DMD: variants seen among roughly 807,000 people sequenced by gnomAD.
DMD encodes the protein mutant dystrophin.
Under a neutral mutation model 330.1 loss-of-function variants are expected in DMD, and 63 were observed. That is an observed-to-expected ratio of 0.19 (90% CI 0.16 to 0.24). DMD has a LOEUF of 0.24. Ranked by LOEUF, DMD falls within the 10% of genes least tolerant of loss-of-function variation. The pLI is 1.00. For synonymous variants in DMD, 1,223 were observed against 959.8 expected (o/e 1.27, Z -5.07); for missense variants, 3,344 against 2,684.1 (o/e 1.25, Z -5.43).
At chrX:31,843,959 A>G (rs2093364941) in intron 48 of DMD, among the ~76,000 whole-genome samples, 1 of 110,092 alleles carries the variant, frequency 9.1e-6, no homozygotes, top group Non-Finnish European at 1.9e-5. Context: ...CCCTGGCTCA[A>G]GCGGTTCTCC....
chrX:32,302,491 G>A (rs2097527019), intron 42 of DMD, among the ~76,000 whole-genome samples: 1 of 111,324 alleles, frequency 9.0e-6, no homozygotes, highest in Admixed American at 9.6e-5. Context: ...ACGTGGCTTA[G>A]CTTGTATGTA....
chrX:32,252,630 GTATA>G lies in DMD; in HGVS notation c.6290+34895_6290+34898del, dbSNP rs1226798950. On this transcript the variant is annotated intron_variant, in intron 43 of 78. Coordinates refer to ENST00000357033, the MANE Select transcript of DMD (RefSeq NM_004006.3). Reference sequence around the variant, plus strand: ...TATATAAATAAATATATAAATATGTGTATATATAAATATATATAAATACAAATAT... The same window carrying G: ...TATATAAATAAATATATAAATATGTGTATAAATATATATAAATACAAATAT... Among the ~76,000 whole-genome samples the G allele has an allele frequency of 7.7e-5, 4 of 51,644 alleles. No individual in the cohort carries two copies. The East Asian group carries it at 2.0e-3, about 26-fold the overall frequency. The allele number at this position is 51,644 out of a possible 115,157, so 44.8% of individuals were successfully genotyped here.
chrX:31,749,834 T>C (rs1336235804), intron 51 of DMD, among the ~76,000 whole-genome samples: 48 of 105,992 alleles, frequency 4.5e-4, no homozygotes, highest in Middle Eastern at 4.7e-3. Flanking sequence ...ATGATTGCCA[T>C]TCTAACTGGT....
At chrX:32,373,627 A>C (rs1368230115) in intron 34 of DMD, among the ~76,000 whole-genome samples, 1 of 112,060 alleles carries the variant, frequency 8.9e-6, no homozygotes, top group Non-Finnish European at 1.9e-5. Context: ...CCAACCATTT[A>C]CATAAAAACA....
intron 43 of DMD, among the ~76,000 whole-genome samples, chrX:32,232,817 A>G (rs1162649331): frequency 8.9e-6 from 1 of 111,976 alleles, no homozygotes; most frequent in East Asian, 2.8e-4. Context: ...CTAAAGTTTG[A>G]TTAACATCAG....
intron 62 of DMD, among the ~76,000 whole-genome samples, chrX:31,319,020 T>C (rs1182028861): frequency 1.8e-5 from 2 of 112,320 alleles, no homozygotes; most frequent in Non-Finnish European, 3.8e-5. Context: ...CTAGAACTAA[T>C]ATATGCAGAA....
At chrX:33,091,983 A>C (rs2095090748) in intron 1 of DMD, among the ~76,000 whole-genome samples, 2 of 111,914 alleles carry the variant, frequency 1.8e-5, no homozygotes, top group Admixed American at 9.6e-5. Context: ...AATTTATCAT[A>C]ATTCTTGACT....
intron 55 of DMD, among the ~76,000 whole-genome samples, chrX:31,570,829 T>TGACA (rs1220480201): frequency 8.9e-6 from 1 of 111,942 alleles, no homozygotes; most frequent in Non-Finnish European, 1.9e-5. Context: ...TGACAGTATA[T>TGACA]GTGTCACTTT....
intron 50 of DMD, among the ~76,000 whole-genome samples, chrX:31,806,125 C>A (rs1350095844): frequency 8.9e-6 from 1 of 112,281 alleles, no homozygotes; most frequent in Non-Finnish European, 1.9e-5. Context: ...AAAACTTCGA[C>A]CAAAACCTTC....
intron 44 of DMD, among the ~76,000 whole-genome samples, chrX:32,122,839 A>G (rs1336653411): frequency 9.0e-6 from 1 of 111,283 alleles, no homozygotes; most frequent in East Asian, 2.8e-4. Context: ...TATTTAAGGA[A>G]TACACTACTC....
chrX:33,134,236 G>A (rs766645389), intron 1 of DMD, among the ~76,000 whole-genome samples: 1 of 111,560 alleles, frequency 9.0e-6, no homozygotes. Context: ...AATGAACTGA[G>A]TAATGGAATC....
chrX:31,460,311 T>C (rs1319460172), intron 59 of DMD, among the ~76,000 whole-genome samples: 1 of 111,309 alleles, frequency 9.0e-6, no homozygotes, highest in Non-Finnish European at 1.9e-5. Context: ...ACCCTCCCCC[T>C]GAACACAGAG....
chrX:33,052,115 A>AT (rs1451052402), intron 1 of DMD, among the ~76,000 whole-genome samples: 1 of 111,751 alleles, frequency 8.9e-6, no homozygotes, highest in Non-Finnish European at 1.9e-5. Context: ...AATAGAAATG[A>AT]TTTTTACAGC....
chrX:32,434,684 T>C (rs2098252467), intron 29 of DMD, among the ~76,000 whole-genome samples: 1 of 112,023 alleles, frequency 8.9e-6, no homozygotes, highest in African/African-American at 3.2e-5. Context: ...ATCCAAAGGA[T>C]TGATTTAGCT....
chrX:32,898,859 C>T (rs1399910584), intron 2 of DMD, among the ~76,000 whole-genome samples: 2 of 111,550 alleles, frequency 1.8e-5, no homozygotes, highest in Non-Finnish European at 1.9e-5. Context: ...TGCCCAACTC[C>T]TACCTCAGGC....
At chrX:31,516,453 A>G (rs1477903781) in intron 55 of DMD, among the ~76,000 whole-genome samples, 1 of 110,934 alleles carries the variant, frequency 9.0e-6, no homozygotes, top group African/African-American at 3.3e-5. Flanking sequence ...AGAGGGTGTG[A>G]CTGTTTTTTC....
At chrX:31,757,835 T>C (rs1021546157) in intron 51 of DMD, among the ~76,000 whole-genome samples, 5 of 111,082 alleles carry the variant, frequency 4.5e-5, no homozygotes, top group Non-Finnish European at 9.4e-5. Context: ...AGAATCATCT[T>C]GCTAAAGTTC....
At chrX:32,928,014 A>G (rs2089226250) in intron 2 of DMD, among the ~76,000 whole-genome samples, 2 of 111,410 alleles carry the variant, frequency 1.8e-5, no homozygotes, top group Non-Finnish European at 3.8e-5. Context: ...TTTAGCAAAT[A>G]TATATAATCA....
intron 61 of DMD, among the ~76,000 whole-genome samples, chrX:31,347,346 T>C (rs1287248009): frequency 9.1e-6 from 1 of 109,856 alleles, no homozygotes; most frequent in African/African-American, 3.3e-5. Context: ...GTAGTCCTTC[T>C]ATCTAACTGG....
Sources: gnomAD v4.1 joint callset for allele counts (sites outside exome capture counted in the v4.1 genomes callset) on GRCh38, gnomAD v4.1.1 for gene constraint, MANE v1.5 for transcripts, NCBI Gene and HGNC (gene_info 2026-07-23, HGNC 2026-07-21) for gene names.